The following KYNU variants were observed in gnomAD, a reference collection of about 807,000 sequenced individuals.
The protein encoded by KYNU is L-kynurenine hydrolase.
KYNU carries 54 observed loss-of-function variants against 59.2 expected under a neutral mutation model. The observed-to-expected ratio is 0.91, with a 90% CI of 0.73 to 1.14. KYNU has a LOEUF of 1.14. Among genes scored for constraint, KYNU ranks in the 50% most tolerant of loss-of-function variants. KYNU has a pLI of 0.00. For missense variants in KYNU, 567 were observed against 554.4 expected, an observed-to-expected ratio of 1.02 and a Z score of -0.23; for synonymous variants, 177 against 192.0, an observed-to-expected ratio of 0.92 and a Z score of 0.65.
At chr2:142,941,553 A>G (rs184824048) in intron 4 of KYNU, among the ~76,000 whole-genome samples, 26 of 152,348 alleles carry the variant, frequency 1.7e-4, no homozygotes, top group African/African-American at 6.0e-4. Flanking sequence ...CTCAAACCTT[A>G]TATGACAAAT....
intron 11 of KYNU, among the ~76,000 whole-genome samples, chr2:143,031,676 G>A (rs994721155): frequency 2.6e-5 from 4 of 152,140 alleles, no homozygotes; most frequent in South Asian, 2.1e-4. Context: ...AGTGAGCCAT[G>A]ATTGAGCCAC....
At chr2:142,903,400 T>A (rs1682176691) in intron 2 of KYNU, among the ~76,000 whole-genome samples, 1 of 152,110 alleles carries the variant, frequency 6.6e-6, no homozygotes, top group South Asian at 2.1e-4. Flanking sequence ...TCCCTGCTTT[T>A]GTTAGAATGT....
intron 8 of KYNU, among the ~76,000 whole-genome samples, chr2:142,981,430 T>C (rs1158699943): frequency 6.6e-6 from 1 of 152,036 alleles, no homozygotes; most frequent in Non-Finnish European, 1.5e-5. Context: ...CATATGGAAT[T>C]TCAGTATTAT....
At chr2:142,997,976 G>A (rs536624775) in intron 10 of KYNU, among the ~76,000 whole-genome samples, 2 of 152,178 alleles carry the variant, frequency 1.3e-5, no homozygotes, top group South Asian at 2.1e-4. Context: ...ATGTCTTTAT[G>A]ATAAGCGATG....
At chr2:143,036,596 G>T (rs1686901211) in intron 12 of KYNU, among the ~76,000 whole-genome samples, 2 of 152,170 alleles carry the variant, frequency 1.3e-5, no homozygotes, top group Admixed American at 1.3e-4. Context: ...AAAGTATATT[G>T]ATTTATTTAT....
At chr2:142,964,278 A>G (rs952952386) in intron 8 of KYNU, among the ~76,000 whole-genome samples, 1 of 152,102 alleles carries the variant, frequency 6.6e-6, no homozygotes, top group Non-Finnish European at 1.5e-5. Context: ...TTTGGGGGGT[A>G]TACATTCATA....
At chr2:142,948,822 A>G (rs1002762356) in intron 4 of KYNU, among the ~76,000 whole-genome samples, 2 of 152,176 alleles carry the variant, frequency 1.3e-5, no homozygotes, top group Non-Finnish European at 2.9e-5. Context: ...TGCCTTTCCA[A>G]CAGTCCCCCA....
intron 1 of KYNU, among the ~76,000 whole-genome samples, chr2:142,878,780 G>T (rs1214724499): frequency 6.6e-6 from 1 of 151,994 alleles, no homozygotes; most frequent in Non-Finnish European, 1.5e-5. Flanking sequence ...TAAATCGAAG[G>T]CACATTGATG....
At chr2:143,005,355 A>T (rs1437997358) in intron 10 of KYNU, among the ~76,000 whole-genome samples, 1 of 152,178 alleles carries the variant, frequency 6.6e-6, no homozygotes, top group Non-Finnish European at 1.5e-5. Context: ...CTCATATACC[A>T]GGTTCCATGT....
Position 142,974,386 on chromosome 2 carries a change from G to T in KYNU, c.730-10698G>T, listed in dbSNP as rs184445219. Reference sequence around the variant, plus strand: ...ATAAAATAAGGTGAACGTAGAGTAGGATTTAACCTTTTATCTGTAGCTATC... The same window carrying T: ...ATAAAATAAGGTGAACGTAGAGTAGTATTTAACCTTTTATCTGTAGCTATC... On this transcript the variant is annotated intron_variant, in intron 8 of 13. Transcript: ENST00000264170. 8.5e-5 allele frequency among the ~76,000 whole-genome samples: 13 copies of T among 152,290 alleles called. No individual in the cohort carries two copies. The East Asian group carries it at 2.5e-3, about 29-fold the overall frequency.
chr2:142,930,924 C>CT (rs1683189032), intron 4 of KYNU, among the ~76,000 whole-genome samples: 1 of 152,106 alleles, frequency 6.6e-6, no homozygotes. Flanking sequence ...TAATGAGCGC[C>CT]TGGGTGCAGG....
chr2:142,899,010 G>C (rs1681979372), intron 2 of KYNU, among the ~76,000 whole-genome samples: 3 of 152,162 alleles, frequency 2.0e-5, no homozygotes, highest in Non-Finnish European at 4.4e-5. Flanking sequence ...AGATCCAGAG[G>C]GGTGGGAGTC....
intron 8 of KYNU, among the ~76,000 whole-genome samples, chr2:142,962,774 G>A (rs1271168345): frequency 1.3e-5 from 2 of 152,156 alleles, no homozygotes; most frequent in East Asian, 1.9e-4. Flanking sequence ...CCATTATCAA[G>A]ATTATTCTAA....
At chr2:142,989,374 T>TA in intron 10 of KYNU, 14 of 997,338 alleles carry the variant, frequency 1.4e-5, no homozygotes, top group Non-Finnish European at 1.7e-5. Flanking sequence ...TTTTCACTGT[T>TA]AAAGTGTCCA....
intron 10 of KYNU, among the ~76,000 whole-genome samples, chr2:142,991,522 C>A (rs981160242): frequency 1.3e-5 from 2 of 151,716 alleles, no homozygotes; most frequent in African/African-American, 4.8e-5. Context: ...TGTATTTAGC[C>A]AGTGTTAATA....
chr2:142,923,773 C>T (rs1292210918), intron 3 of KYNU, among the ~76,000 whole-genome samples: 1 of 152,118 alleles, frequency 6.6e-6, no homozygotes, highest in African/African-American at 2.4e-5. Context: ...TTCATAAGAG[C>T]AAAAACCTAC....
chr2:143,026,899 C>T (rs1196520228), intron 10 of KYNU, among the ~76,000 whole-genome samples: 1 of 152,186 alleles, frequency 6.6e-6, no homozygotes. Flanking sequence ...AGCTGTCCCT[C>T]TGAAGTCAAG....
intron 1 of KYNU, among the ~76,000 whole-genome samples, chr2:142,877,963 T>C (rs1306876773): frequency 6.6e-6 from 1 of 152,156 alleles, no homozygotes; most frequent in Non-Finnish European, 1.5e-5. Context: ...ACTAATGTAA[T>C]AGAAAAGAAC....
intron 1 of KYNU, among the ~76,000 whole-genome samples, chr2:142,883,837 G>C (rs1008048450): frequency 1.3e-5 from 2 of 152,152 alleles, no homozygotes; most frequent in Non-Finnish European, 2.9e-5. Context: ...AATTGTACAA[G>C]GGTTGGCACT....
Sources: allele counts gnomAD v4.1 joint callset (sites outside exome capture counted in the v4.1 genomes callset), GRCh38; gene constraint gnomAD v4.1.1; transcripts MANE v1.5; gene names NCBI Gene and HGNC (gene_info 2026-07-23, HGNC 2026-07-21).